The following OLA1 variants were observed in gnomAD, a reference collection of about 807,000 sequenced individuals.
OLA1 encodes the protein obg-like ATPase 1.
In OLA1, 14 loss-of-function variants were observed where a neutral mutation model predicts 48.4. The ratio of observed to expected loss-of-function variants is 0.29; its 90% CI spans 0.19 to 0.45. The LOEUF (loss-of-function observed/expected upper bound fraction) is 0.45, where lower values mean the gene tolerates loss of function less well. OLA1 is among the 20% of genes least tolerant of loss of function. The probability of loss-of-function intolerance (pLI) is 1.00; values close to 1 mark genes in which losing one functional copy is unlikely to be tolerated. For synonymous variants in OLA1, 127 were observed against 150.4 expected (o/e 0.84, Z 1.14); for missense variants, 325 against 467.1 (o/e 0.70, Z 2.80).
At chr2:174,096,529 C>G (rs1685259778) in intron 7 of OLA1, among the ~76,000 whole-genome samples, 1 of 152,142 alleles carries the variant, frequency 6.6e-6, no homozygotes, top group Non-Finnish European at 1.5e-5. Flanking sequence ...GACGTCTGAC[C>G]TTCCTTTGGA....
chr2:174,101,820 A>G lies in OLA1; in HGVS notation c.729-19756T>C, dbSNP rs1032442783. Among the ~76,000 whole-genome samples the G allele has an allele frequency of 4.3e-4, 66 of 152,206 alleles. 1 individual carries two copies. Among genetic ancestry groups the G allele is most frequent in the Non-Finnish European group, 1.3e-4 (9 of 68,034 alleles). On this transcript the variant is annotated intron_variant, in intron 7 of 10. Coordinates refer to ENST00000284719, the MANE Select transcript of OLA1 (RefSeq NM_013341.5). Reference sequence around the variant, plus strand: ...AATAAAGGTGAGATTTAGAAGAAAAAAACATGAAACTTGATTAACTGAATA... The same window carrying G: ...AATAAAGGTGAGATTTAGAAGAAAAGAACATGAAACTTGATTAACTGAATA...
At position 174,074,243 on chromosome 2, in the gene OLA1, C is replaced by A. The variant is rs139182029; in HGVS notation, c.*1183G>T. 6.6e-6 allele frequency: 1 copy of A among 151,904 alleles called. No homozygotes were observed. 9.4% of individuals were successfully genotyped at this position (151,904 alleles called of 1,614,324 possible). ...ATGGTCCTGTGATCACAGAAGAGCA[C>A]AAAAGGGCAGAGGACAAGGACAAGG... On this transcript the variant is annotated 3_prime_UTR_variant, in exon 11 of 11. Coordinates refer to ENST00000284719, the MANE Select transcript of OLA1 (RefSeq NM_013341.5).
chr2:174,119,954 CAA>C (rs988817711), intron 7 of OLA1, among the ~76,000 whole-genome samples: 3 of 115,404 alleles, frequency 2.6e-5, no homozygotes, highest in Admixed American at 8.8e-5. Flanking sequence ...CACACACACA[CAA>C]ACACACACAC....
At chr2:174,131,259 T>C (rs1243356882) in intron 5 of OLA1, among the ~76,000 whole-genome samples, 1 of 152,178 alleles carries the variant, frequency 6.6e-6, no homozygotes, top group Non-Finnish European at 1.5e-5. Context: ...CTCAATATTA[T>C]TTGTGAATTC....
rs577716574 is a variant in OLA1, at chr2:174,086,619, C to T, written c.729-4555G>A. Reference sequence around the variant, plus strand: ...GGCCATTATTAAGTAAATTAAGGGACGCTTGAACACAAGCACCATGATACC... The same window carrying T: ...GGCCATTATTAAGTAAATTAAGGGATGCTTGAACACAAGCACCATGATACC... On this transcript the variant is annotated intron_variant, in intron 7 of 10. Transcript: ENST00000284719. Among the ~76,000 whole-genome samples, 85 of 152,214 alleles carry T rather than the reference C, an allele frequency of 5.6e-4. 4 individuals carry two copies. The highest frequency in any genetic ancestry group is 4.1e-4 in the South Asian group (2 of 4,828).
chr2:174,228,708 C>T (rs1341346779), intron 3 of OLA1, among the ~76,000 whole-genome samples: 2 of 152,112 alleles, frequency 1.3e-5, no homozygotes. Flanking sequence ...AGATAATCAT[C>T]AGTCTATGAT....
intron 7 of OLA1, among the ~76,000 whole-genome samples, chr2:174,103,837 G>A (rs1172342811): frequency 6.6e-6 from 1 of 152,128 alleles, no homozygotes; most frequent in Non-Finnish European, 1.5e-5. Context: ...TGCTCTGAAG[G>A]AAATAAACAT....
chr2:174,211,955 C>G (rs1366556990), intron 4 of OLA1, among the ~76,000 whole-genome samples: 1 of 152,110 alleles, frequency 6.6e-6, no homozygotes, highest in African/African-American at 2.4e-5. Context: ...ATGTAGCTCA[C>G]ATTTATGGCT....
At chr2:174,092,699 T>A (rs746793694) in intron 7 of OLA1, among the ~76,000 whole-genome samples, 1 of 152,134 alleles carries the variant, frequency 6.6e-6, no homozygotes, top group Non-Finnish European at 1.5e-5. Flanking sequence ...TATTCTTACA[T>A]ACCTTATCTA....
At chr2:174,148,367 C>A (rs1414586480) in intron 4 of OLA1, among the ~76,000 whole-genome samples, 3 of 152,136 alleles carry the variant, frequency 2.0e-5, no homozygotes, top group Non-Finnish European at 4.4e-5. Context: ...CCAGCCGGAG[C>A]GACAAGAGTG....
At chr2:174,247,620 T>C (rs1454783336) in intron 1 of OLA1, 6 of 1,549,396 alleles carry the variant, frequency 3.9e-6, no homozygotes, top group Non-Finnish European at 5.2e-6. Context: ...TGGAATCTTA[T>C]CTTTCCCATT....
intron 4 of OLA1, among the ~76,000 whole-genome samples, chr2:174,200,529 T>A (rs1687968940): frequency 6.6e-6 from 1 of 152,030 alleles, no homozygotes; most frequent in Non-Finnish European, 1.5e-5. Flanking sequence ...AAGAAAGCTA[T>A]CAAAGACCAC....
chr2:174,215,432 AT>A (rs1316061794), intron 4 of OLA1, among the ~76,000 whole-genome samples: 36 of 152,324 alleles, frequency 2.4e-4, no homozygotes, highest in East Asian at 2.1e-3. Context: ...AATTTCAAGG[AT>A]TTGAATTTCA....
chr2:174,104,686 G>C (rs1685475716), intron 7 of OLA1, among the ~76,000 whole-genome samples: 2 of 151,974 alleles, frequency 1.3e-5, no homozygotes, highest in South Asian at 4.1e-4. Flanking sequence ...CCTGTTTCTA[G>C]AGTAAAACCA....
At chr2:174,170,742 T>G (rs1159930394) in intron 4 of OLA1, among the ~76,000 whole-genome samples, 1 of 151,824 alleles carries the variant, frequency 6.6e-6, no homozygotes, top group Admixed American at 6.6e-5. Context: ...TACAAAAACT[T>G]AAAACTAAAA....
chr2:174,109,876 C>A (rs184818533), intron 7 of OLA1, among the ~76,000 whole-genome samples: 92 of 152,218 alleles, frequency 6.0e-4, no homozygotes, highest in African/African-American at 2.1e-3. Flanking sequence ...ATGAACACAT[C>A]ACAGGCTTTT....
In OLA1 at chr2:174,141,807, C is replaced by A; in HGVS notation, c.549+18G>T. On this transcript the variant is annotated intron_variant, in intron 5 of 10. Coordinates refer to ENST00000284719, the MANE Select transcript of OLA1 (RefSeq NM_013341.5). Reference sequence around the variant, plus strand: ...ATAAACTCTTGAGTATCTAAAGAAGCTGTAAATTTTTACTTACATATTCAG... The same window carrying A: ...ATAAACTCTTGAGTATCTAAAGAAGATGTAAATTTTTACTTACATATTCAG... 1 of 1,561,880 alleles carries A rather than the reference C, an allele frequency of 6.4e-7. No individual in the cohort carries two copies. The highest frequency in any genetic ancestry group is 8.7e-7 in the Non-Finnish European group (1 of 1,152,820).
At chr2:174,217,235 AT>A (rs1308423665) in intron 4 of OLA1, among the ~76,000 whole-genome samples, 1 of 151,112 alleles carries the variant, frequency 6.6e-6, no homozygotes, top group African/African-American at 2.4e-5. Flanking sequence ...TTTCCTTTCA[AT>A]TTTTTTTTCT....
intron 4 of OLA1, among the ~76,000 whole-genome samples, chr2:174,211,016 C>A (rs1169909007): frequency 1.3e-5 from 2 of 152,042 alleles, no homozygotes; most frequent in African/African-American, 4.8e-5. Context: ...TAGATAAGGC[C>A]CCTTCACACT....
Sources: allele counts gnomAD v4.1 joint callset (sites outside exome capture counted in the v4.1 genomes callset), GRCh38; gene constraint gnomAD v4.1.1; transcripts MANE v1.5; gene names NCBI Gene and HGNC (gene_info 2026-07-23, HGNC 2026-07-21).